TSHZ2: variants seen among roughly 807,000 people sequenced by gnomAD.
TSHZ2 encodes teashirt homolog 2.
Under a neutral mutation model 74.4 loss-of-function variants are expected in TSHZ2, and 21 were observed. The ratio of observed to expected loss-of-function variants is 0.28; its 90% CI spans 0.20 to 0.41. The LOEUF (loss-of-function observed/expected upper bound fraction) is 0.41. Among genes scored for constraint, TSHZ2 ranks in the 10% least tolerant of loss-of-function variants. The probability of loss-of-function intolerance (pLI) is 1.00; values close to 1 mark genes in which losing one functional copy is unlikely to be tolerated. For missense variants in TSHZ2, 1,244 were observed against 1,293.5 expected, an observed-to-expected ratio of 0.96 and a Z score of 0.59; for synonymous variants, 540 against 515.3, an observed-to-expected ratio of 1.05 and a Z score of -0.65.
chr20:53,328,510 C>T (rs374656533), intron 2 of TSHZ2, among the ~76,000 whole-genome samples: 28 of 152,114 alleles, frequency 1.8e-4, no homozygotes, highest in African/African-American at 3.6e-4. Flanking sequence ...GTGAACCGTC[C>T]GGAACATCTG....
At chr20:53,164,846 A>G (rs1038714211) in intron 1 of TSHZ2, among the ~76,000 whole-genome samples, 2 of 152,226 alleles carry the variant, frequency 1.3e-5, no homozygotes, top group African/African-American at 4.8e-5. Flanking sequence ...TAGTAACATT[A>G]TTTCCATAAG....
At chr20:53,185,668 A>G in intron 1 of TSHZ2, 2 of 1,536,092 alleles carry the variant, frequency 1.3e-6, no homozygotes, top group Non-Finnish European at 1.7e-6. Context: ...GCGTTGCTCC[A>G]TTATACAGGT....
intron 2 of TSHZ2, among the ~76,000 whole-genome samples, chr20:53,410,258 G>T (rs973557634): frequency 1.3e-5 from 2 of 152,138 alleles, no homozygotes; most frequent in African/African-American, 4.8e-5. Flanking sequence ...CACTTACATA[G>T]ATCAGGCCAT....
At chr20:53,378,213 G>T (rs569128450) in intron 2 of TSHZ2, among the ~76,000 whole-genome samples, 3 of 151,838 alleles carry the variant, frequency 2.0e-5, no homozygotes, top group African/African-American at 7.3e-5. Context: ...AGTGGTATGC[G>T]CCTGTAATCC....
At chr20:53,450,594 G>T (rs962225298) in intron 2 of TSHZ2, among the ~76,000 whole-genome samples, 3 of 152,204 alleles carry the variant, frequency 2.0e-5, no homozygotes, top group Non-Finnish European at 4.4e-5. Context: ...AACAAACATG[G>T]CTCACTTCAG....
intron 1 of TSHZ2, among the ~76,000 whole-genome samples, chr20:52,994,353 G>A (rs1982094459): frequency 6.6e-6 from 1 of 152,092 alleles, no homozygotes; most frequent in Non-Finnish European, 1.5e-5. Flanking sequence ...TGAATGGATA[G>A]ATGGATTGAT....
intron 1 of TSHZ2, among the ~76,000 whole-genome samples, chr20:53,169,557 G>C (rs975652142): frequency 2.6e-5 from 4 of 152,090 alleles, no homozygotes; most frequent in Non-Finnish European, 5.9e-5. Flanking sequence ...CATCGCCAAG[G>C]CTAGCATGGT....
chr20:53,476,177 G>A (rs1030513332), intron 2 of TSHZ2, among the ~76,000 whole-genome samples: 24 of 146,714 alleles, frequency 1.6e-4, no homozygotes, highest in African/African-American at 5.9e-4. Context: ...GCATCATTCT[G>A]ATACCAAAGC....
intron 2 of TSHZ2, among the ~76,000 whole-genome samples, chr20:53,444,654 T>C (rs1984482337): frequency 6.6e-6 from 1 of 152,218 alleles, no homozygotes; most frequent in Admixed American, 6.5e-5. Context: ...GCAAACCCGC[T>C]GAGTCTTTTC....
At chr20:53,289,961 C>A (rs1204026239) in intron 2 of TSHZ2, among the ~76,000 whole-genome samples, 1 of 152,058 alleles carries the variant, frequency 6.6e-6, no homozygotes, top group African/African-American at 2.4e-5. Flanking sequence ...CATTTCTGTT[C>A]CCAGAAATTG....
intron 1 of TSHZ2, among the ~76,000 whole-genome samples, chr20:53,117,736 C>T (rs767016547): frequency 2.4e-4 from 36 of 152,110 alleles, no homozygotes; most frequent in Non-Finnish European, 3.4e-4. Flanking sequence ...ACTGATACAC[C>T]GTATTTTAAA....
chr20:53,468,207 C>T (rs1417382391), intron 2 of TSHZ2, among the ~76,000 whole-genome samples: 1 of 152,100 alleles, frequency 6.6e-6, no homozygotes, highest in Admixed American at 6.5e-5. Context: ...TTTAGATTGA[C>T]ATACCTTTGA....
At chr20:53,483,462 G>C (rs1214314757) in intron 2 of TSHZ2, among the ~76,000 whole-genome samples, 1 of 152,108 alleles carries the variant, frequency 6.6e-6, no homozygotes, top group Non-Finnish European at 1.5e-5. Context: ...AGTCAGCTGT[G>C]ATTGCACCAC....
chr20:53,239,488 A>C (rs969470767), intron 1 of TSHZ2, among the ~76,000 whole-genome samples: 1 of 152,208 alleles, frequency 6.6e-6, no homozygotes, highest in Non-Finnish European at 1.5e-5. Flanking sequence ...ATAAACACTC[A>C]TAGCCCCCTT....
chr20:53,467,110 T>G (rs963920744), intron 2 of TSHZ2, among the ~76,000 whole-genome samples: 3 of 152,230 alleles, frequency 2.0e-5, no homozygotes, highest in Admixed American at 2.0e-4. Context: ...AAGGCAGAGC[T>G]TCTAACAAGC....
At chr20:53,330,838 T>G (rs1979696182) in intron 2 of TSHZ2, among the ~76,000 whole-genome samples, 1 of 152,228 alleles carries the variant, frequency 6.6e-6, no homozygotes, top group Admixed American at 6.5e-5. Context: ...TTATCTGACA[T>G]CTGTCTGGGT....
At chr20:53,279,939 G>A (rs750276463) in intron 2 of TSHZ2, among the ~76,000 whole-genome samples, 1 of 152,228 alleles carries the variant, frequency 6.6e-6, no homozygotes, top group Non-Finnish European at 1.5e-5. Flanking sequence ...GCAAGTAGGA[G>A]CTGGGCTCGT....
intron 2 of TSHZ2, among the ~76,000 whole-genome samples, chr20:53,406,230 C>G (rs1982847401): frequency 6.6e-6 from 1 of 152,028 alleles, no homozygotes; most frequent in Non-Finnish European, 1.5e-5. Context: ...GTGTCTAGAT[C>G]AAAGGGAGCA....
At chr20:53,266,684 A>G (rs906652500) in intron 2 of TSHZ2, among the ~76,000 whole-genome samples, 1 of 152,142 alleles carries the variant, frequency 6.6e-6, no homozygotes, top group Admixed American at 6.5e-5. Context: ...CAAGCCCTAT[A>G]CAAGGCTCTA....
Sources: allele counts gnomAD v4.1 joint callset (sites outside exome capture counted in the v4.1 genomes callset), GRCh38; gene constraint gnomAD v4.1.1; transcripts MANE v1.5; gene names NCBI Gene and HGNC (gene_info 2026-07-23, HGNC 2026-07-21).